The following PCDH11X variants were observed in gnomAD, a reference collection of about 807,000 sequenced individuals.
The protein encoded by PCDH11X is protocadherin-11 X-linked.
In PCDH11X, 18 loss-of-function variants were observed where a neutral mutation model predicts 53.3. The observed-to-expected ratio is 0.34, with a 90% CI of 0.23 to 0.50. PCDH11X has a LOEUF of 0.50. Among genes scored for constraint, PCDH11X ranks in the 20% least tolerant of loss-of-function variants. The probability of loss-of-function intolerance (pLI) is 0.98; values close to 1 mark genes in which losing one functional copy is unlikely to be tolerated. For missense variants in PCDH11X, 570 were observed against 1,032.4 expected (o/e 0.55, Z 6.14); for synonymous variants, 279 against 393.3 (o/e 0.71, Z 3.44).
At chrX:91,813,468 TG>T (rs1404898481) in intron 4 of PCDH11X, among the ~76,000 whole-genome samples, 4 of 102,594 alleles carry the variant, frequency 3.9e-5, no homozygotes, top group Non-Finnish European at 7.8e-5. Context: ...AGAGAAGATG[TG>T]GAAAATATTA....
Position 92,419,669 on chromosome X carries a change from C to CTT in PCDH11X, c.3343+31764_3343+31765dup, listed in dbSNP as rs757189751. Among the ~76,000 whole-genome samples the CTT allele has an allele frequency of 1.2e-3, 63 of 54,175 alleles. 14 individuals carry two copies. Among genetic ancestry groups the CTT allele is most frequent in the African/African-American group, 4.5e-3 (58 of 12,966 alleles). The allele number at this position is 54,175 out of a possible 115,157, so 47.0% of individuals were successfully genotyped here. ...TGTTTCTCTCTCCCCTCCCTCCACC[C>CTT]TTTTTTTTTTTTTTTTTTTTTTTTT... is the stretch of plus-strand genomic sequence containing the variant. On this transcript the variant is annotated intron_variant, in intron 9 of 10. Coordinates refer to ENST00000682573, the MANE Select transcript of PCDH11X (RefSeq NM_032968.5).
intron 7 of PCDH11X, among the ~76,000 whole-genome samples, chrX:92,213,968 C>T (rs769770253): frequency 8.9e-6 from 1 of 111,950 alleles, no homozygotes; most frequent in African/African-American, 3.2e-5. Flanking sequence ...TGGATTATGA[C>T]TCATCAGCCT....
rs1266752038 is a variant in PCDH11X, at chrX:92,047,224, C to T, written c.3034-154151C>T. Reference sequence around the variant, plus strand: ...TTAGAAAATATACACAATTGATTATCGTATTAATACTGTATCATTTATATT... The same window carrying T: ...TTAGAAAATATACACAATTGATTATTGTATTAATACTGTATCATTTATATT... On this transcript the variant is annotated intron_variant, in intron 6 of 10. Coordinates refer to ENST00000682573, the MANE Select transcript of PCDH11X (RefSeq NM_032968.5). Among the ~76,000 whole-genome samples the T allele has an allele frequency of 1.5e-4, 14 of 94,498 alleles. 1 individual carries two copies. The East Asian group carries it at 3.4e-3, about 23-fold the overall frequency. 82.1% of individuals were successfully genotyped at this position (94,498 alleles called of 115,157 possible).
chrX:91,950,570 GAT>G (rs1178800371), intron 6 of PCDH11X, among the ~76,000 whole-genome samples: 7 of 97,790 alleles, frequency 7.2e-5, no homozygotes, highest in African/African-American at 1.9e-4. Context: ...AAATGTGATT[GAT>G]ATATATATAT....
Position 91,918,196 on chromosome X carries a change from A to G in PCDH11X, c.3033+38923A>G, listed in dbSNP as rs375200203. On this transcript the variant is annotated intron_variant, in intron 6 of 10. Coordinates refer to ENST00000682573, the MANE Select transcript of PCDH11X (RefSeq NM_032968.5). The stretch of plus-strand genomic sequence containing the variant: ...AGTTCTGTAAGTCAGAAGTTTAGGC[A>G]GGCTTGGCTGGGTTCATTGCCTAGA... 2.8e-4 allele frequency among the ~76,000 whole-genome samples: 31 copies of G among 110,478 alleles called. No homozygotes were observed. In the East Asian group the frequency reaches 4.6e-3, roughly 16 times the overall value.
intron 8 of PCDH11X, among the ~76,000 whole-genome samples, chrX:92,338,839 A>G (rs749503923): frequency 1.8e-5 from 2 of 111,996 alleles, no homozygotes; most frequent in East Asian, 2.8e-4. Context: ...CTCTATTTCT[A>G]ACTACTGGTG....
intron 10 of PCDH11X, among the ~76,000 whole-genome samples, chrX:92,589,735 C>G (rs935314934): frequency 2.0e-4 from 22 of 111,392 alleles, no homozygotes; most frequent in Middle Eastern, 4.3e-3. Flanking sequence ...TCTACCCCCC[C>G]ATCTTACCTT....
intron 6 of PCDH11X, among the ~76,000 whole-genome samples, chrX:91,880,365 A>G (rs1345298208): frequency 1.8e-5 from 2 of 111,272 alleles, no homozygotes; most frequent in Admixed American, 9.6e-5. Flanking sequence ...TTGAACACCT[A>G]TTCAGGCTTA....
chrX:91,919,720 T>G (rs3876286), intron 6 of PCDH11X, among the ~76,000 whole-genome samples: 3 of 111,310 alleles, frequency 2.7e-5, no homozygotes, highest in Non-Finnish European at 5.7e-5. Context: ...TTGTCTGTTT[T>G]CATATCTCCT....
At chrX:91,782,879 G>T (rs1371505157) in intron 1 of PCDH11X, among the ~76,000 whole-genome samples, 1 of 111,511 alleles carries the variant, frequency 9.0e-6, no homozygotes, top group Non-Finnish European at 1.9e-5. Flanking sequence ...TCCTGATTGC[G>T]GACAATTCCT....
At chrX:92,373,708 G>A (rs1011567034) in intron 8 of PCDH11X, among the ~76,000 whole-genome samples, 5 of 111,550 alleles carry the variant, frequency 4.5e-5, no homozygotes, top group South Asian at 3.7e-4. Flanking sequence ...TAACCACTTC[G>A]ATTTTTTTAA....
intron 6 of PCDH11X, among the ~76,000 whole-genome samples, chrX:92,107,936 T>G (rs769438857): frequency 0.014 from 1,532 of 112,257 alleles, 23 homozygotes; most frequent in African/African-American, 0.047. Context: ...GTCAAATTAA[T>G]TTATCAGTGC....
chrX:92,044,394 T>C (rs147477747), intron 6 of PCDH11X, among the ~76,000 whole-genome samples: 3,801 of 109,831 alleles, frequency 0.035, 170 homozygotes, highest in African/African-American at 0.12. Context: ...GATCATATTC[T>C]TGCATATTTA....
intron 8 of PCDH11X, among the ~76,000 whole-genome samples, chrX:92,274,262 G>C (rs2068027990): frequency 9.2e-6 from 1 of 109,067 alleles, no homozygotes; most frequent in Non-Finnish European, 1.9e-5. Flanking sequence ...GGCTGAGCTT[G>C]GTGAGGTGCG....
At chrX:92,371,220 C>T (rs888892503) in intron 8 of PCDH11X, among the ~76,000 whole-genome samples, 1 of 107,354 alleles carries the variant, frequency 9.3e-6, no homozygotes, top group African/African-American at 3.4e-5. Flanking sequence ...AAATTTTAAG[C>T]AATTGCTCAT....
chrX:92,598,363 A>C (rs1925857959), intron 10 of PCDH11X, among the ~76,000 whole-genome samples: 1 of 111,681 alleles, frequency 9.0e-6, no homozygotes, highest in African/African-American at 3.3e-5. Flanking sequence ...AAAAAACACT[A>C]ATAATTTAAT....
chrX:92,195,620 T>C (rs1261024984), intron 6 of PCDH11X, among the ~76,000 whole-genome samples: 1 of 111,383 alleles, frequency 9.0e-6, no homozygotes, highest in Non-Finnish European at 1.9e-5. Flanking sequence ...TCATTGTAGC[T>C]TTGATGATGG....
intron 9 of PCDH11X, among the ~76,000 whole-genome samples, chrX:92,414,146 A>G (rs1045536681): frequency 1.9e-5 from 2 of 104,357 alleles, no homozygotes; most frequent in African/African-American, 7.1e-5. Flanking sequence ...TTAGAGAAGA[A>G]AGCCTATTGG....
chrX:92,107,975 A>G (rs1335326852), intron 6 of PCDH11X, among the ~76,000 whole-genome samples: 1 of 112,507 alleles, frequency 8.9e-6, no homozygotes, highest in East Asian at 2.8e-4. Context: ...ATATCTTTGT[A>G]TATAAACAAT....
Sources: gnomAD v4.1 joint callset for allele counts (sites outside exome capture counted in the v4.1 genomes callset) on GRCh38, gnomAD v4.1.1 for gene constraint, MANE v1.5 for transcripts, NCBI Gene and HGNC (gene_info 2026-07-23, HGNC 2026-07-21) for gene names.